Variants in STPG4 observed in about 807,000 individuals in gnomAD.
STPG4 encodes the protein sperm-tail PG-rich repeat containing 4, also known as protein STPG4.
In STPG4, 41 loss-of-function variants were observed where a neutral mutation model predicts 31.5. The ratio of observed to expected loss-of-function variants is 1.30; its 90% CI spans 1.01 to 1.69. STPG4 has a LOEUF of 1.69. Ranked by LOEUF, STPG4 falls within the 40% of genes most tolerant of loss-of-function variation. The probability of loss-of-function intolerance (pLI) is 0.00; values close to 1 mark genes in which losing one functional copy is unlikely to be tolerated. For synonymous variants in STPG4, 141 were observed against 103.0 expected (o/e 1.37, Z -2.24); for missense variants, 375 against 293.4 (o/e 1.28, Z -2.03).
chr2:47,118,608 C>T (rs994074931), intron 5 of STPG4, among the ~76,000 whole-genome samples: 8 of 152,192 alleles, frequency 5.3e-5, no homozygotes, highest in Non-Finnish European at 1.2e-4. Flanking sequence ...GGGACCGCTG[C>T]ACTAAGTGGT....
chr2:47,123,215 C>T (rs889647541), intron 5 of STPG4, among the ~76,000 whole-genome samples: 2 of 152,096 alleles, frequency 1.3e-5, no homozygotes, highest in Admixed American at 1.3e-4. Flanking sequence ...TAAAAGAGTT[C>T]ATTTTTTATC....
At chr2:47,146,243 C>T (rs748851169) in intron 3 of STPG4, among the ~76,000 whole-genome samples, 28 of 152,148 alleles carry the variant, frequency 1.8e-4, no homozygotes, top group Non-Finnish European at 2.9e-4. Flanking sequence ...AGCACGGCAA[C>T]GTCTGGAGAC....
chr2:47,090,611 C>T (rs1361270912), intron 5 of STPG4, among the ~76,000 whole-genome samples: 1 of 152,150 alleles, frequency 6.6e-6, no homozygotes, highest in East Asian at 1.9e-4. Flanking sequence ...GTTAGGTGAG[C>T]AGTACCTGCC....
intron 5 of STPG4, among the ~76,000 whole-genome samples, chr2:47,091,052 G>A (rs748630583): frequency 3.4e-4 from 51 of 151,654 alleles, no homozygotes; most frequent in Non-Finnish European, 7.4e-5. Flanking sequence ...TTTCCCACGG[G>A]GTGAGGGGAA....
intron 5 of STPG4, among the ~76,000 whole-genome samples, chr2:47,113,597 G>A (rs939958280): frequency 6.6e-6 from 1 of 152,098 alleles, no homozygotes; most frequent in South Asian, 2.1e-4. Flanking sequence ...TCAAATTAAT[G>A]AATATTTTAA....
chr2:47,116,212 G>C (rs188410915), intron 5 of STPG4, among the ~76,000 whole-genome samples: 2 of 152,196 alleles, frequency 1.3e-5, no homozygotes, highest in Admixed American at 1.3e-4. Context: ...TTGTCAACGT[G>C]ATAGTATTCA....
At chr2:47,104,874 G>A (rs1685873572) in intron 5 of STPG4, among the ~76,000 whole-genome samples, 1 of 151,760 alleles carries the variant, frequency 6.6e-6, no homozygotes, top group Middle Eastern at 3.2e-3. Flanking sequence ...TAGCCAGAGG[G>A]GCCAGGGCCC....
At chr2:47,136,228 C>A (rs1462136526) in intron 3 of STPG4, among the ~76,000 whole-genome samples, 1 of 152,134 alleles carries the variant, frequency 6.6e-6, no homozygotes, top group Non-Finnish European at 1.5e-5. Flanking sequence ...TCACTGCAAC[C>A]TCTGCCTCCC....
intron 5 of STPG4, among the ~76,000 whole-genome samples, chr2:47,096,077 T>C (rs1000124891): frequency 2.6e-5 from 4 of 152,232 alleles, no homozygotes; most frequent in African/African-American, 9.6e-5. Context: ...ATCTTGCTTA[T>C]AACATTGTTA....
At position 47,129,934 on chromosome 2, in the gene STPG4, T is replaced by C. The variant is rs774787311; in HGVS notation, c.519+7A>G. Reference sequence around the variant, plus strand: ...CATCATGAGTTAACTGTCTACATTATACTTACGGGAATAAAATAGGTTGTT... The same window carrying C: ...CATCATGAGTTAACTGTCTACATTACACTTACGGGAATAAAATAGGTTGTT... On this transcript the variant is annotated splice_region_variant and intron_variant, in intron 5 of 6. Transcript: ENST00000445927. 1.3e-5 allele frequency: 21 copies of C among 1,612,362 alleles called. No individual in the cohort carries two copies. The highest frequency in any genetic ancestry group is 2.2e-5 in the East Asian group (1 of 44,872).
intron 4 of STPG4, 95 bp downstream of exon 4, chr2:47,130,101 G>C (rs1223837799): frequency 2.7e-6 from 4 of 1,467,956 alleles, no homozygotes; most frequent in Non-Finnish European, 3.8e-6. Context: ...ATGTTAATTT[G>C]CATATGAGGT....
chr2:47,121,763 T>G (rs1421644247), intron 5 of STPG4, among the ~76,000 whole-genome samples: 1 of 152,182 alleles, frequency 6.6e-6, no homozygotes, highest in Non-Finnish European at 1.5e-5. Context: ...CTTACCTCTT[T>G]CAGCTTCTAG....
Position 47,087,032 on chromosome 2 carries a change from G to A in STPG4, c.723C>T (p.Asn241=). The A allele has an allele frequency of 6.4e-7, 1 of 1,551,750 alleles. No individual in the cohort carries two copies. Among genetic ancestry groups the A allele is most frequent in the Non-Finnish European group, 8.7e-7 (1 of 1,147,006 alleles). Reference sequence around the variant, plus strand: ...TTTATTTTAAAAGCCAATTGTTGTTGTTGAAGAAAAGGCTATGCTCTTGGC... The same window carrying A: ...TTTATTTTAAAAGCCAATTGTTGTTATTGAAGAAAAGGCTATGCTCTTGGC... ...KMGQEHSLFF[N]NNNWLLK Residue 241 remains asparagine, a synonymous_variant, in exon 7 of 7, where the codon AAC becomes AAT. Coordinates refer to ENST00000445927, the MANE Select transcript of STPG4 (RefSeq NM_001163561.2).
intron 5 of STPG4, among the ~76,000 whole-genome samples, chr2:47,113,155 G>C (rs1259232532): frequency 2.0e-5 from 3 of 152,130 alleles, no homozygotes; most frequent in African/African-American, 7.2e-5. Context: ...ATGAGGTAGT[G>C]GGCATTGATA....
intron 5 of STPG4, among the ~76,000 whole-genome samples, chr2:47,114,850 C>T (rs1268636882): frequency 1.3e-5 from 2 of 152,070 alleles, no homozygotes; most frequent in Admixed American, 6.5e-5. Context: ...TCACTGAAAC[C>T]TCCATCTTCC....
At chr2:47,117,552 C>T (rs6725698) in intron 5 of STPG4, among the ~76,000 whole-genome samples, 12 of 152,110 alleles carry the variant, frequency 7.9e-5, no homozygotes, top group South Asian at 4.1e-4. Flanking sequence ...TAATTTGGGG[C>T]GCCATGTTTC....
rs567658237 is a variant in STPG4, at chr2:47,152,998, A to G, written c.100T>C (p.Ser34Pro). ...CACCATCCTTCTCTTTCAAAAGAGG[A>G]AGTCTTTTGGGCTGGTTTCTGTTAA... is the stretch of plus-strand genomic sequence containing the variant. ...ITASKPAQKT[S>P]SFEREGWWRI... Residue 34 changes from serine to proline, a missense_variant, in exon 2 of 7, where the codon TCC becomes CCC. Coordinates refer to ENST00000445927, the MANE Select transcript of STPG4 (RefSeq NM_001163561.2). The G allele has an allele frequency of 1.4e-5, 23 of 1,611,952 alleles. No homozygotes were observed. The East Asian group carries it at 3.4e-4, about 23-fold the overall frequency.
At chr2:47,093,768 C>G (rs1290831653) in intron 5 of STPG4, among the ~76,000 whole-genome samples, 1 of 152,204 alleles carries the variant, frequency 6.6e-6, no homozygotes, top group Non-Finnish European at 1.5e-5. Context: ...GAACGCTATT[C>G]CACATGTGGC....
At chr2:47,136,280 G>C (rs1328345114) in intron 3 of STPG4, among the ~76,000 whole-genome samples, 1 of 152,078 alleles carries the variant, frequency 6.6e-6, no homozygotes, top group Non-Finnish European at 1.5e-5. Context: ...CGAGTAGCTG[G>C]GGTTATGGGC....
Sources: allele counts gnomAD v4.1 joint callset (sites outside exome capture counted in the v4.1 genomes callset), GRCh38; gene constraint gnomAD v4.1.1; transcripts MANE v1.5; gene names NCBI Gene and HGNC (gene_info 2026-07-23, HGNC 2026-07-21).